The following ITFG1 variants were observed in gnomAD, a reference collection of about 807,000 sequenced individuals.
ITFG1 encodes the protein T-cell immunomodulatory protein.
In ITFG1, 34 loss-of-function variants were observed where a neutral mutation model predicts 81.8. The observed-to-expected ratio is 0.42, with a 90% confidence interval of 0.32 to 0.55. The LOEUF (loss-of-function observed/expected upper bound fraction) is 0.55. Among genes scored for constraint, ITFG1 ranks in the 20% least tolerant of loss-of-function variants. ITFG1 has a pLI of 0.17. For synonymous variants in ITFG1, 285 were observed against 270.6 expected (o/e 1.05, Z -0.52); for missense variants, 672 against 755.4 (o/e 0.89, Z 1.29).
chr16:47,156,399 C>T (rs1239869933), intron 17 of ITFG1, among the ~76,000 whole-genome samples: 1 of 152,212 alleles, frequency 6.6e-6, no homozygotes, highest in Non-Finnish European at 1.5e-5. Flanking sequence ...GATTGCACCA[C>T]TGCACTCCAG....
chr16:47,330,034 C>A (rs1358102453), intron 8 of ITFG1, among the ~76,000 whole-genome samples: 1 of 151,916 alleles, frequency 6.6e-6, no homozygotes, highest in Non-Finnish European at 1.5e-5. Context: ...TTCTGGAGAA[C>A]ATAAATGAAA....
chr16:47,169,415 G>A (rs1005122492), intron 14 of ITFG1, among the ~76,000 whole-genome samples: 2 of 151,574 alleles, frequency 1.3e-5, no homozygotes, highest in African/African-American at 4.8e-5. Context: ...CAATTTTTTG[G>A]TTAAATATAT....
intron 14 of ITFG1, among the ~76,000 whole-genome samples, chr16:47,199,924 G>C (rs1965404456): frequency 6.6e-6 from 1 of 152,188 alleles, no homozygotes; most frequent in South Asian, 2.1e-4. Context: ...GTGCTGCACA[G>C]TTCACAATAG....
chr16:47,429,505 T>A (rs908220500), intron 5 of ITFG1, among the ~76,000 whole-genome samples: 2 of 152,214 alleles, frequency 1.3e-5, no homozygotes, highest in African/African-American at 4.8e-5. Context: ...TTTTGAGGAA[T>A]TGTTGAACTG....
chr16:47,304,614 T>G (rs1290262936), intron 10 of ITFG1, among the ~76,000 whole-genome samples: 2 of 152,224 alleles, frequency 1.3e-5, no homozygotes, highest in Non-Finnish European at 2.9e-5. Flanking sequence ...TTTCTCCTTT[T>G]ATTAATATAT....
At chr16:47,294,685 C>T (rs571098284) in intron 10 of ITFG1, among the ~76,000 whole-genome samples, 1 of 152,128 alleles carries the variant, frequency 6.6e-6, no homozygotes, top group African/African-American at 2.4e-5. Flanking sequence ...TATAGAAATG[C>T]TACAGAGTTT....
At chr16:47,161,546 T>C (rs912875844) in intron 16 of ITFG1, 1 of 388,068 alleles carries the variant, frequency 2.6e-6, no homozygotes, top group Non-Finnish European at 4.7e-6. Context: ...GTTTTTCTAA[T>C]AGGATTGAAT....
intron 5 of ITFG1, among the ~76,000 whole-genome samples, chr16:47,446,554 C>A (rs1234144071): frequency 6.6e-6 from 1 of 152,124 alleles, no homozygotes; most frequent in Non-Finnish European, 1.5e-5. Flanking sequence ...AGTGGAAGAA[C>A]AGGCAGTCTG....
intron 14 of ITFG1, among the ~76,000 whole-genome samples, chr16:47,165,582 T>C (rs1007359559): frequency 2.0e-5 from 3 of 152,274 alleles, no homozygotes; most frequent in African/African-American, 7.2e-5. Context: ...AGGCCATTTA[T>C]GCCTGTCATC....
chr16:47,297,231 T>C (rs151018970), intron 10 of ITFG1, among the ~76,000 whole-genome samples: 3 of 152,310 alleles, frequency 2.0e-5, no homozygotes, highest in African/African-American at 4.8e-5. Context: ...GATATGAATA[T>C]AGTTACTCCT....
intron 6 of ITFG1, among the ~76,000 whole-genome samples, chr16:47,382,261 A>T (rs1968404909): frequency 6.6e-6 from 1 of 152,204 alleles, no homozygotes; most frequent in Non-Finnish European, 1.5e-5. Context: ...CAGAAGATCA[A>T]CCCTATTTCC....
chr16:47,236,405 G>A (rs905368458), intron 13 of ITFG1, among the ~76,000 whole-genome samples: 3 of 151,534 alleles, frequency 2.0e-5, no homozygotes, highest in African/African-American at 7.3e-5. Context: ...AGCCCCGGAG[G>A]CGGAGCTTGC....
At chr16:47,445,468 A>C (rs1969313491) in intron 5 of ITFG1, among the ~76,000 whole-genome samples, 2 of 152,148 alleles carry the variant, frequency 1.3e-5, no homozygotes, top group African/African-American at 4.8e-5. Flanking sequence ...GACATGCTTA[A>C]AATGATCTGT....
intron 14 of ITFG1, among the ~76,000 whole-genome samples, chr16:47,216,749 C>T (rs538106585): frequency 8.7e-5 from 13 of 149,258 alleles, no homozygotes; most frequent in South Asian, 4.3e-4. Context: ...GCAACATCTA[C>T]CTCCCAGGTC....
At chr16:47,438,075 T>C (rs1373049594) in intron 5 of ITFG1, among the ~76,000 whole-genome samples, 2 of 152,132 alleles carry the variant, frequency 1.3e-5, no homozygotes, top group Non-Finnish European at 2.9e-5. Flanking sequence ...CCACAAAGCC[T>C]CACTCACTGC....
intron 12 of ITFG1, among the ~76,000 whole-genome samples, chr16:47,252,689 T>C (rs1966092036): frequency 6.6e-6 from 1 of 152,232 alleles, no homozygotes. Flanking sequence ...CAGTTTACAT[T>C]GCCATGGCCA....
intron 10 of ITFG1, among the ~76,000 whole-genome samples, chr16:47,262,574 T>C (rs1022737177): frequency 1.3e-5 from 2 of 152,258 alleles, no homozygotes; most frequent in African/African-American, 2.4e-5. Flanking sequence ...CTTATTTTCC[T>C]TTGCAAAACT....
intron 10 of ITFG1, among the ~76,000 whole-genome samples, chr16:47,283,150 T>A (rs1395937957): frequency 6.6e-6 from 1 of 152,160 alleles, no homozygotes; most frequent in Non-Finnish European, 1.5e-5. Context: ...ATTCATAAAG[T>A]CTCCCTAGGC....
rs549066079 is a variant in ITFG1 at position 47,316,025 on chromosome 16, A to C, written c.803-2202T>G. Reference sequence around the variant, plus strand: ...AGGCTGGTCTCAAAATCCTGGCCTCAAGAGATCCGCCTGCCCTGGCCTCCT... The same window carrying C: ...AGGCTGGTCTCAAAATCCTGGCCTCCAGAGATCCGCCTGCCCTGGCCTCCT... On this transcript the variant is annotated intron_variant, in intron 8 of 17. Coordinates refer to ENST00000320640, the MANE Select transcript of ITFG1 (RefSeq NM_030790.5). 3.1e-4 allele frequency among the ~76,000 whole-genome samples: 47 copies of C among 152,194 alleles called. 1 individual carries two copies. The South Asian group carries it at 9.1e-3, about 30-fold the overall frequency.
Sources: allele counts gnomAD v4.1 joint callset (sites outside exome capture counted in the v4.1 genomes callset), GRCh38; gene constraint gnomAD v4.1.1; transcripts MANE v1.5; gene names NCBI Gene and HGNC (gene_info 2026-07-23, HGNC 2026-07-21).